The following TDRKH variants were observed in gnomAD, a reference collection of about 807,000 sequenced individuals.
TDRKH encodes tudor and KH domain containing, also known as tudor and KH domain-containing protein.
TDRKH carries 28 observed loss-of-function variants against 61.3 expected under a neutral mutation model. That is an observed-to-expected ratio of 0.46 (90% confidence interval 0.34 to 0.63). The LOEUF is 0.63. Among genes scored for constraint, TDRKH ranks in the 20% least tolerant of loss-of-function variants. The probability of loss-of-function intolerance (pLI) is 0.01; values close to 1 mark genes in which losing one functional copy is unlikely to be tolerated. For missense variants in TDRKH, 540 were observed against 683.4 expected (o/e 0.79, Z 2.34); for synonymous variants, 219 against 244.4 (o/e 0.90, Z 0.97).
chr1:151,768,052 T>G (rs779974020), downstream of TDRKH: 3 of 1,613,968 alleles, frequency 1.9e-6, no homozygotes, highest in Non-Finnish European at 2.5e-6. Context: ...TTTACTCCTT[T>G]TCCAGGCTGG....
chr1:151,788,591 C>G (rs1162884888), intron 1 of TDRKH, among the ~76,000 whole-genome samples: 1 of 152,138 alleles, frequency 6.6e-6, no homozygotes, highest in Non-Finnish European at 1.5e-5. Context: ...TTATTTGATT[C>G]CATTAATAAC....
chr1:151,773,714 CAT>C lies in TDRKH; in HGVS notation c.*736_*737del, dbSNP rs985508401. 3 of 152,210 alleles carry C rather than the reference CAT, an allele frequency of 2.0e-5. No homozygotes were observed. The highest frequency in any genetic ancestry group is 7.2e-5 in the African/African-American group (3 of 41,448). 9.4% of individuals were successfully genotyped at this position (152,210 alleles called of 1,614,324 possible). On this transcript the variant is annotated 3_prime_UTR_variant, in exon 13 of 13. Transcript: ENST00000368824. ...AGTTTCAAAAGCCTGTCTCCAATAA[CAT>C]ATCAGCAATTGAGGCTGGGAGGCAG...
At chr1:151,788,838 G>A (rs1300848731) in intron 1 of TDRKH, among the ~76,000 whole-genome samples, 1 of 152,090 alleles carries the variant, frequency 6.6e-6, no homozygotes, top group African/African-American at 2.4e-5. Flanking sequence ...CCTCAATCTC[G>A]ACCCCCTACA....
chr1:151,777,964 A>T (rs1051425394), intron 6 of TDRKH, among the ~76,000 whole-genome samples: 26 of 152,164 alleles, frequency 1.7e-4, no homozygotes, highest in African/African-American at 5.8e-4. Flanking sequence ...CATTTGAAGT[A>T]CTTTGAGGAC....
chr1:151,786,255 C>T (rs1001598206), intron 1 of TDRKH, among the ~76,000 whole-genome samples: 2 of 152,168 alleles, frequency 1.3e-5, no homozygotes, highest in Non-Finnish European at 2.9e-5. Flanking sequence ...CAACAGTCAT[C>T]CTCTCTTATC....
downstream of TDRKH, chr1:151,771,178 C>T (rs749758461): frequency 4.3e-6 from 7 of 1,613,874 alleles, no homozygotes; most frequent in South Asian, 6.6e-5. Context: ...GGTGTATCCC[C>T]TTGAAAGGGA....
intron 4 of TDRKH, 82 bp downstream of exon 4, chr1:151,779,869 C>A: frequency 7.0e-7 from 1 of 1,429,522 alleles, no homozygotes; most frequent in South Asian, 1.5e-5. Flanking sequence ...GGGAACTAGG[C>A]CAGAAAAAAC....
Position 151,773,840 on chromosome 1 carries a change from G to A in TDRKH, c.*612C>T, listed in dbSNP as rs1387662936. ...GAGTCTTTGAGTTCACCACTCAAAAGCTTTCCTTAACCAGAGTCACCTGAT... is the reference window on the plus strand; with the variant it reads ...GAGTCTTTGAGTTCACCACTCAAAAACTTTCCTTAACCAGAGTCACCTGAT... On this transcript the variant is annotated 3_prime_UTR_variant, in exon 13 of 13. Coordinates refer to ENST00000368824, the MANE Select transcript of TDRKH (RefSeq NM_001083965.2). The A allele has an allele frequency of 2.0e-5, 3 of 152,138 alleles. No individual in the cohort carries two copies. The highest frequency in any genetic ancestry group is 7.2e-5 in the African/African-American group (3 of 41,416). The allele number at this position is 152,138 out of a possible 1,614,324, so 9.4% of individuals were successfully genotyped here.
chr1:151,769,287 CTGCCCCCCACCTCCCTCCCAGACGGGGCG>C (rs1648513745), downstream of TDRKH: 1 of 150,892 alleles, frequency 6.6e-6, no homozygotes, highest in Non-Finnish European at 1.5e-5. Context: ...CGGGTGGGGA[CTGCCCCCCACCTCCCTCCCAGACGGGGCG>C]GCTGACCGGG....
intron 2 of TDRKH, among the ~76,000 whole-genome samples, chr1:151,782,468 T>C (rs1649920194): frequency 1.3e-5 from 2 of 150,890 alleles, no homozygotes; most frequent in Non-Finnish European, 3.0e-5. Flanking sequence ...AAAGACTAAA[T>C]AATTTTAGTC....
At position 151,779,990 on chromosome 1, in the gene TDRKH, G is replaced by A. The variant is rs765443760; in HGVS notation, c.382C>T (p.Gln128Ter). The change falls in exon 4 of 13, where the codon CAG becomes TAG. Residue 128 changes from glutamine to a stop codon, truncating the protein, a stop_gained. Coordinates refer to ENST00000368824, the MANE Select transcript of TDRKH (RefSeq NM_001083965.2). LOFTEE classifies it high-confidence loss of function. ...ACAGATCTCTGGGGAACTGAAAGCT[G>A]CTCAGACACTGGGGTATTCTCTGTC... is the stretch of plus-strand genomic sequence containing the variant. Reference protein sequence around the residue: ...ILTENTPVSEQLSVPQRSVGR... With the variant: ...ILTENTPVSE The A allele has an allele frequency of 6.2e-7, 1 of 1,613,998 alleles. No homozygotes were observed.
At chr1:151,777,255 T>A (rs1649276600) in intron 6 of TDRKH, among the ~76,000 whole-genome samples, 4 of 152,064 alleles carry the variant, frequency 2.6e-5, no homozygotes, top group Admixed American at 2.6e-4. Flanking sequence ...GTCCAGCCTG[T>A]CCAACATGGT....
At chr1:151,771,333 A>C (rs1329684167), downstream of TDRKH, 1 of 1,514,860 alleles carries the variant, frequency 6.6e-7, no homozygotes, top group African/African-American at 1.4e-5. Context: ...TGCAATCATC[A>C]AGTGTTCACG....
intron 6 of TDRKH, among the ~76,000 whole-genome samples, chr1:151,777,727 T>TA (rs1175582590): frequency 6.7e-6 from 1 of 148,388 alleles, no homozygotes; most frequent in Non-Finnish European, 1.5e-5. Context: ...TAATTTTTTT[T>TA]TTTTTTTTTT....
intron 1 of TDRKH, among the ~76,000 whole-genome samples, chr1:151,784,400 C>T (rs1240749552): frequency 6.6e-6 from 1 of 152,214 alleles, no homozygotes; most frequent in Non-Finnish European, 1.5e-5. Flanking sequence ...AAGGAAAACT[C>T]GAGTGTCAAT....
At chr1:151,772,028 A>G (rs760364346), downstream of TDRKH, 14 of 398,460 alleles carry the variant, frequency 3.5e-5, no homozygotes, top group Non-Finnish European at 5.8e-5. Flanking sequence ...AGATTCCTCC[A>G]AGAGTACCTG....
intron 3 of TDRKH, among the ~76,000 whole-genome samples, chr1:151,780,650 A>G (rs1479778849): frequency 6.6e-6 from 1 of 152,154 alleles, no homozygotes; most frequent in Non-Finnish European, 1.5e-5. Flanking sequence ...GGAGATCGAG[A>G]CCATCCTGGC....
downstream of TDRKH, chr1:151,769,574 C>T (rs907220394): frequency 5.0e-5 from 10 of 201,830 alleles, no homozygotes; most frequent in African/African-American, 2.4e-4. Context: ...CGGAGACGCT[C>T]CTCACTTCCT....
chr1:151,781,709 C>T (rs1485657360), intron 2 of TDRKH, 122 bp from the exon 3 acceptor site: 12 of 774,312 alleles, frequency 1.5e-5, no homozygotes, highest in Non-Finnish European at 2.5e-5. Context: ...GTGAGGATCT[C>T]AACCATAACA....
Sources: gnomAD v4.1 joint callset for allele counts (sites outside exome capture counted in the v4.1 genomes callset) on GRCh38, gnomAD v4.1.1 for gene constraint, MANE v1.5 for transcripts, NCBI Gene and HGNC (gene_info 2026-07-23, HGNC 2026-07-21) for gene names.